The following SCRIB variants were observed in gnomAD, a reference collection of about 807,000 sequenced individuals.
SCRIB encodes the protein protein scribble homolog.
A neutral mutation model predicts 170.0 loss-of-function variants in SCRIB; 72 were observed. The ratio of observed to expected loss-of-function variants is 0.42; its 90% CI spans 0.35 to 0.52. The LOEUF is 0.52. Ranked by LOEUF, SCRIB falls within the 20% of genes least tolerant of loss-of-function variation. SCRIB has a pLI of 0.02. For missense variants in SCRIB, 2,475 were observed against 2,338.5 expected (o/e 1.06, Z -1.20); for synonymous variants, 1,298 against 1,044.3 (o/e 1.24, Z -4.68).
intron 32 of SCRIB, 43 bp downstream of exon 32, chr8:143,792,177 G>A (rs1554632924): frequency 1.9e-6 from 3 of 1,559,516 alleles, no homozygotes; most frequent in Admixed American, 3.6e-5. Flanking sequence ...CAGGAGCAGG[G>A]ACAGGCAGCA....
At chr8:143,809,242 G>A (rs1815589985) in intron 14 of SCRIB, among the ~76,000 whole-genome samples, 5 of 152,154 alleles carry the variant, frequency 3.3e-5, no homozygotes, top group Admixed American at 1.3e-4. Flanking sequence ...AGGTGGAAAC[G>A]AAGGGGTGCG....
At chr8:143,800,340 G>A (rs1274696029) in intron 24 of SCRIB, among the ~76,000 whole-genome samples, 1 of 152,214 alleles carries the variant, frequency 6.6e-6, no homozygotes, top group Admixed American at 6.5e-5. Context: ...AATGTTGTAA[G>A]AGAGTCTACA....
intron 9 of SCRIB, among the ~76,000 whole-genome samples, chr8:143,811,987 C>T (rs1354758650): frequency 2.0e-5 from 3 of 152,192 alleles, no homozygotes; most frequent in Admixed American, 1.3e-4. Context: ...GTTCCCATTC[C>T]TGCCTCTTCT....
At chr8:143,808,586 G>A (rs758020687) in intron 15 of SCRIB, 23 bp downstream of exon 15, 1 of 1,498,958 alleles carries the variant, frequency 6.7e-7, no homozygotes, top group Non-Finnish European at 8.9e-7. Context: ...TCTGGGTCAG[G>A]CAGGGGTGAG....
At chr8:143,811,847 G>C (rs1368449735) in intron 9 of SCRIB, among the ~76,000 whole-genome samples, 3 of 152,168 alleles carry the variant, frequency 2.0e-5, no homozygotes, top group Non-Finnish European at 1.5e-5. Flanking sequence ...TCCCAGCCTG[G>C]GGATGGGGAT....
chr8:143,812,627 C>T (rs1815794760), intron 8 of SCRIB, among the ~76,000 whole-genome samples, 190 bp downstream of exon 8: 1 of 152,182 alleles, frequency 6.6e-6, no homozygotes, highest in Admixed American at 6.5e-5. Context: ...CCCTCCAGCA[C>T]CACCAGCTGC....
intron 24 of SCRIB, among the ~76,000 whole-genome samples, chr8:143,796,894 G>A (rs906258019): frequency 5.9e-5 from 9 of 152,196 alleles, no homozygotes; most frequent in Non-Finnish European, 1.3e-4. Flanking sequence ...GCAGACCCGG[G>A]TGCTGACTCC....
chr8:143,809,597 G>A lies in SCRIB; in HGVS notation c.1652C>T (p.Ala551Val). The A allele has an allele frequency of 6.2e-7, 1 of 1,611,426 alleles. No homozygotes were observed. Among genetic ancestry groups the A allele is most frequent in the Non-Finnish European group, 8.5e-7 (1 of 1,179,890 alleles). Reference sequence around the variant, plus strand: ...GTCTTCCTCCCCGCCAGCAGTCGTGGCTTCCTGCTGGCTCCCACCCTGTGC... The same window carrying A: ...GTCTTCCTCCCCGCCAGCAGTCGTGACTTCCTGCTGGCTCCCACCCTGTGC... ...AEAQGGSQQE[A>V]TTAGGEEDAE... Residue 551 changes from alanine to valine, a missense_variant, in exon 14 of 37, where the codon GCC becomes GTC. Around this residue, in one of 3 missense-constraint regions of SCRIB, gnomAD observed 1,966 missense variants for 1,742.9 expected, o/e 1.13. Transcript: ENST00000356994.
Position 143,815,374 on chromosome 8 carries a change from G to C in SCRIB, c.-2C>G. 1 of 1,374,826 alleles carries C rather than the reference G, an allele frequency of 7.3e-7. No homozygotes were observed. The highest frequency in any genetic ancestry group is 2.9e-5 in the East Asian group (1 of 34,048). 85.2% of individuals were successfully genotyped at this position (1,374,826 alleles called of 1,614,324 possible). On this transcript the variant is annotated 5_prime_UTR_variant, in exon 1 of 37. Transcript: ENST00000356994. ...CCACAGCGGGATGCACTTGAGCATG[G>C]TGCGGGTGGGCGGCGCGGGCTCCGG...
chr8:143,815,236 T>C lies in SCRIB; in HGVS notation c.137A>G (p.Asn46Ser). The C allele has an allele frequency of 6.3e-7, 1 of 1,592,336 alleles. No individual in the cohort carries two copies. Among genetic ancestry groups the C allele is most frequent in the Non-Finnish European group, 8.5e-7 (1 of 1,174,474 alleles). The change falls in exon 1 of 37, where the codon AAC becomes AGC. Residue 46 changes from asparagine (N) to serine (S), a missense_variant. Coordinates refer to ENST00000356994, the MANE Select transcript of SCRIB (RefSeq NM_182706.5). ...CACCTTGGGCAGCTCGCGCAGCTGG[T>C]TGGCGTCGAGCAGCAGCTCCTCCAG... ...RSLEELLLDA[N>S]QLRELPKPFF...
chr8:143,805,224 C>A lies in SCRIB; in HGVS notation c.2558G>T (p.Ser853Ile), dbSNP rs782759511. The change falls in exon 19 of 37, where the codon AGC (serine) becomes ATC (isoleucine). Residue 853 changes from serine to isoleucine, a missense_variant. Coordinates refer to ENST00000356994, the MANE Select transcript of SCRIB (RefSeq NM_182706.5). ...GTGGCGCTGACGGAGGGGCCCGGGG[C>A]TCTCAGGCGGGAGCAGGGGCAGGCG... ...GLRLPLLPPE[S>I]PGPLRQRHVA... 3.3e-5 allele frequency: 51 copies of A among 1,551,648 alleles called. No individual in the cohort carries two copies. Among genetic ancestry groups the A allele is most frequent in the Non-Finnish European group, 2.6e-6 (3 of 1,153,454 alleles).
chr8:143,812,271 G>A lies in SCRIB; in HGVS notation c.901C>T (p.Leu301=), dbSNP rs200384758. The A allele has an allele frequency of 2.5e-6, 4 of 1,601,380 alleles. No homozygotes were observed. The highest frequency in any genetic ancestry group is 2.6e-6 in the Non-Finnish European group (3 of 1,168,522). The change falls in exon 9 of 37, where the codon CTG becomes TTG. Residue 301 remains leucine (L), a synonymous_variant. Coordinates refer to ENST00000356994, the MANE Select transcript of SCRIB (RefSeq NM_182706.5). ...LSELILTENL[L]MALPRSLGKL... is the part of the protein sequence containing the mutation. ...CCTCCCAAGCCAGACCCTACCATCA[G>A]CAGGTTCTCCGTGAGGATCAGCTCA... is the stretch of plus-strand genomic sequence containing the variant.
At position 143,792,813 on chromosome 8, in the gene SCRIB, G is replaced by GCCGCTC; in HGVS notation, c.4066_4071dup (p.Glu1356_Arg1357dup). ...CGCACCTCCAGCTCAAAGTACTTCT[G>GCCGCTC]CCGCTCCCGGAAGGACAGCTGCTCC... On this transcript the variant is annotated inframe_insertion, in exon 30 of 37. Coordinates refer to ENST00000356994, the MANE Select transcript of SCRIB (RefSeq NM_182706.5). 2 of 1,556,334 alleles carry GCCGCTC rather than the reference G, an allele frequency of 1.3e-6. No individual in the cohort carries two copies. The highest frequency in any genetic ancestry group is 1.7e-4 in the Middle Eastern group (1 of 5,800).
chr8:143,808,609 C>T lies in SCRIB; in HGVS notation c.2115G>A (p.Lys705=). ...AGGCAGGGGTGAGGCTGACACCAAC[C>T]TTGACAGAGGGCGCAGAAACCACGG... The part of the protein sequence containing the change: ...EGAVVSAPSV[K]GVSFDQANNL... The change falls in exon 15 of 37, where the codon AAG becomes AAA. Residue 705 remains lysine (K), a splice_region_variant and synonymous_variant. Transcript: ENST00000356994. 6.6e-7 allele frequency: 1 copy of T among 1,510,048 alleles called. No homozygotes were observed. The highest frequency in any genetic ancestry group is 1.4e-5 in the African/African-American group (1 of 71,452). The allele number at this position is 1,510,048 out of a possible 1,614,324, so 93.5% of individuals were successfully genotyped here.
chr8:143,813,837 T>G lies in SCRIB; in HGVS notation c.337A>C (p.Ser113Arg). The G allele has an allele frequency of 6.2e-7, 1 of 1,609,706 alleles. No homozygotes were observed. Among genetic ancestry groups the G allele is most frequent in the Non-Finnish European group, 8.5e-7 (1 of 1,177,424 alleles). The part of the protein sequence containing the change: ...FCKALEIADF[S>R]GNPLSRLPDG... ...ACCCACCTGGAGAGGGGGTTCCCGC[T>G]GAAGTCCGCGATCTCCAGAGCCTTG... Residue 113 changes from serine to arginine, a missense_variant, in exon 3 of 37, where the codon AGC (serine) becomes CGC (arginine). By Grantham distance (110) the Ser-to-Arg change is moderately radical. This residue lies in a region of SCRIB where 487 missense variants were observed against 558.1 expected (regional missense o/e 0.87). Coordinates refer to ENST00000356994, the MANE Select transcript of SCRIB (RefSeq NM_182706.5).
chr8:143,803,898 C>G lies in SCRIB; in HGVS notation c.3163G>C (p.Gly1055Arg), dbSNP rs782237211. 1 of 1,593,862 alleles carries G rather than the reference C, an allele frequency of 6.3e-7. No homozygotes were observed. The highest frequency in any genetic ancestry group is 1.1e-5 in the South Asian group (1 of 88,894). ...GLAARSGLRVGDRILAVNGQD... is the reference protein window; with the variant it reads ...GLAARSGLRVRDRILAVNGQD... ...CCGTTCACTGCCAGGATGCGGTCCC[C>G]AACCCGCAGGCCGCTGCGAGCGGCC... The change falls in exon 23 of 37, where the codon GGG (glycine) becomes CGG (arginine). Residue 1055 changes from glycine (G) to arginine (R), a missense_variant. Transcript: ENST00000356994.
intron 18 of SCRIB, among the ~76,000 whole-genome samples, chr8:143,805,704 G>A (rs1308707349): frequency 6.6e-6 from 1 of 152,192 alleles, no homozygotes; most frequent in African/African-American, 2.4e-5. Context: ...ATGCCCCCAC[G>A]GCCAGGCCAC....
chr8:143,795,660 A>T (rs1165282853), intron 24 of SCRIB, 130 bp from the exon 25 acceptor site: 4 of 791,872 alleles, frequency 5.1e-6, no homozygotes, highest in Non-Finnish European at 8.4e-6. Context: ...GGCAGGGCTG[A>T]CCGCGTGGCT....
In SCRIB at chr8:143,815,200, G is replaced by A. The variant is rs1042916945; in HGVS notation, c.159+14C>T. 2 of 1,556,422 alleles carry A rather than the reference G, an allele frequency of 1.3e-6. No individual in the cohort carries two copies. The highest frequency in any genetic ancestry group is 1.2e-5 in the South Asian group (1 of 86,546). ...GGGCGCGCCTTTGGGCGGCAGGTGC[G>A]GGCGGCCGCTCACCTTGGGCAGCTC... On this transcript the variant is annotated intron_variant, in intron 1 of 36. Coordinates refer to ENST00000356994, the MANE Select transcript of SCRIB (RefSeq NM_182706.5).
Sources: allele counts gnomAD v4.1 joint callset (sites outside exome capture counted in the v4.1 genomes callset), GRCh38; gene constraint gnomAD v4.1.1; regional missense constraint gnomAD v4.1.1; transcripts MANE v1.5; gene names NCBI Gene and HGNC (gene_info 2026-07-23, HGNC 2026-07-21).